The following ZFYVE9 variants were observed in gnomAD, a reference collection of about 807,000 sequenced individuals.
ZFYVE9 encodes zinc finger FYVE-type containing 9, also known as zinc finger FYVE domain-containing protein 9.
ZFYVE9 carries 43 observed loss-of-function variants against 126.7 expected under a neutral mutation model. The ratio of observed to expected loss-of-function variants is 0.34; its 90% CI spans 0.27 to 0.44. The LOEUF (loss-of-function observed/expected upper bound fraction) is 0.44. Ranked by LOEUF, ZFYVE9 falls within the 20% of genes least tolerant of loss-of-function variation. The pLI is 1.00. For missense variants in ZFYVE9, 1,476 were observed against 1,697.0 expected (o/e 0.87, Z 2.29); for synonymous variants, 521 against 597.4 (o/e 0.87, Z 1.87).
At chr1:52,220,789 C>T (rs550488671) in intron 2 of ZFYVE9, among the ~76,000 whole-genome samples, 10 of 152,134 alleles carry the variant, frequency 6.6e-5, no homozygotes, top group Non-Finnish European at 1.0e-4. Context: ...GAAAGGTCTA[C>T]GTGGGAGAAG....
At chr1:52,251,562 T>C (rs945373023) in intron 4 of ZFYVE9, among the ~76,000 whole-genome samples, 8 of 152,184 alleles carry the variant, frequency 5.3e-5, no homozygotes, top group African/African-American at 1.9e-4. Context: ...CACTTGGTCA[T>C]GGTGTATAAT....
chr1:52,324,235 C>CAAG (rs966490158), intron 13 of ZFYVE9, among the ~76,000 whole-genome samples: 1 of 145,062 alleles, frequency 6.9e-6, no homozygotes, highest in East Asian at 2.0e-4. Context: ...GGCAACAGAA[C>CAAG]AAGACCCTGT....
chr1:52,213,697 TTTTC>T (rs1399353145), intron 1 of ZFYVE9, among the ~76,000 whole-genome samples: 1 of 152,040 alleles, frequency 6.6e-6, no homozygotes, highest in East Asian at 1.9e-4. Flanking sequence ...ACACCATTTA[TTTTC>T]TTTCTTTCTT....
chr1:52,232,728 CAAAAAAAAAAAAAA>C (rs552213191), intron 2 of ZFYVE9, among the ~76,000 whole-genome samples: 3 of 27,356 alleles, frequency 1.1e-4, no homozygotes, highest in South Asian at 1.5e-3. Context: ...GACTCTGTCT[CAAAAAAAAAAAAAA>C]AAAAAAAAAA....
At chr1:52,309,502 A>G in intron 13 of ZFYVE9, among the ~76,000 whole-genome samples, 1 of 152,076 alleles carries the variant, frequency 6.6e-6, no homozygotes, top group East Asian at 1.9e-4. Flanking sequence ...AAAGCAAAAA[A>G]GGGCAGAAAA....
Position 52,246,536 on chromosome 1 carries a change from T to G in ZFYVE9, c.2178+6941T>G, listed in dbSNP as rs796785519. ...TTTTTATCCTGTTTTTTTTCCTGGG[T>G]TTTTTTTTTTTTTGAGACAAACTCT... is the stretch of plus-strand genomic sequence containing the variant. On this transcript the variant is annotated intron_variant, in intron 4 of 18. Transcript: ENST00000287727. 3.1e-4 allele frequency among the ~76,000 whole-genome samples: 39 copies of G among 125,888 alleles called. 1 individual carries two copies. The highest frequency in any genetic ancestry group is 3.0e-4 in the Admixed American group (4 of 13,414). 82.6% of individuals were successfully genotyped at this position (125,888 alleles called of 152,430 possible). A position where few individuals can be genotyped will look rare whatever the true frequency, so the allele number is the denominator to read the frequency against.
intron 1 of ZFYVE9, among the ~76,000 whole-genome samples, chr1:52,199,958 C>T (rs1256242493): frequency 6.7e-6 from 1 of 149,744 alleles, no homozygotes; most frequent in Non-Finnish European, 1.5e-5. Context: ...ATCATAATGC[C>T]TGTTTGCCAT....
At chr1:52,195,344 C>T (rs1644850385) in intron 1 of ZFYVE9, among the ~76,000 whole-genome samples, 2 of 152,168 alleles carry the variant, frequency 1.3e-5, no homozygotes, top group Non-Finnish European at 1.5e-5. Context: ...TGCCTAGATT[C>T]AAATTCTGGC....
At position 52,345,544 on chromosome 1, in the gene ZFYVE9, G is replaced by A. The variant is rs1646475662; in HGVS notation, c.4117-516G>A. On this transcript the variant is annotated intron_variant, in intron 18 of 18. Coordinates refer to ENST00000287727, the MANE Select transcript of ZFYVE9 (RefSeq NM_004799.4). The stretch of plus-strand genomic sequence containing the variant: ...AATGCTATACTAATGAAGTATTCTG[G>A]TCCTATCTCACATAAAACAAAGAAC... Among the ~76,000 whole-genome samples, 4 of 152,204 alleles carry A rather than the reference G, an allele frequency of 2.6e-5. No individual in the cohort carries two copies. In the South Asian group the frequency reaches 8.3e-4, roughly 32 times the overall value.
chr1:52,145,389 T>A (rs939575846), intron 1 of ZFYVE9, among the ~76,000 whole-genome samples: 3 of 152,196 alleles, frequency 2.0e-5, no homozygotes, highest in Non-Finnish European at 2.9e-5. Flanking sequence ...CAAAGCTTGT[T>A]TAAAAGATAA....
intron 1 of ZFYVE9, among the ~76,000 whole-genome samples, chr1:52,157,659 C>T (rs1269529430): frequency 2.0e-5 from 3 of 152,066 alleles, no homozygotes; most frequent in Non-Finnish European, 4.4e-5. Flanking sequence ...CCACCTCAGC[C>T]TCCCAGAGTG....
intron 2 of ZFYVE9, among the ~76,000 whole-genome samples, chr1:52,223,715 G>A (rs1250855930): frequency 2.0e-5 from 3 of 152,048 alleles, no homozygotes; most frequent in Non-Finnish European, 2.9e-5. Context: ...GGTTCAAGGA[G>A]CTGATTCCCA....
intron 4 of ZFYVE9, among the ~76,000 whole-genome samples, chr1:52,241,930 T>C (rs1645337300): frequency 6.6e-6 from 1 of 152,134 alleles, no homozygotes; most frequent in African/African-American, 2.4e-5. Flanking sequence ...ATATTCCCTT[T>C]ACTGCAACAA....
chr1:52,198,110 G>GTTTTTTTTTTTTTTTTTTTTTT (rs1329262004), intron 1 of ZFYVE9, among the ~76,000 whole-genome samples: 1 of 40,014 alleles, frequency 2.5e-5, no homozygotes, highest in African/African-American at 5.8e-5. Flanking sequence ...ATATTGTAGT[G>GTTTTTTTTTTTTTTTTTTTTTT]TTTTTTTTTG....
At chr1:52,331,125 T>G (rs909246689) in intron 13 of ZFYVE9, among the ~76,000 whole-genome samples, 1 of 152,032 alleles carries the variant, frequency 6.6e-6, no homozygotes, top group Non-Finnish European at 1.5e-5. Flanking sequence ...CACCTCGGCC[T>G]CCTAAAGTGC....
chr1:52,251,217 A>G (rs1222400591), intron 4 of ZFYVE9, among the ~76,000 whole-genome samples: 1 of 152,064 alleles, frequency 6.6e-6, no homozygotes, highest in Non-Finnish European at 1.5e-5. Context: ...GATTACAGGC[A>G]CATGCCACCA....
chr1:52,185,924 A>G (rs1345293077), intron 1 of ZFYVE9, among the ~76,000 whole-genome samples: 5 of 151,130 alleles, frequency 3.3e-5, no homozygotes, highest in Admixed American at 2.0e-4. Context: ...GTCTCAAAAA[A>G]AAAAAAAAAA....
chr1:52,193,991 C>A (rs1464071370), intron 1 of ZFYVE9, among the ~76,000 whole-genome samples: 1 of 151,958 alleles, frequency 6.6e-6, no homozygotes, highest in Non-Finnish European at 1.5e-5. Context: ...TAGTTGTAAT[C>A]CCAGCTTCTC....
chr1:52,251,021 T>A (rs1645439353), intron 4 of ZFYVE9, among the ~76,000 whole-genome samples: 1 of 143,702 alleles, frequency 7.0e-6, no homozygotes, highest in African/African-American at 2.8e-5. Flanking sequence ...CAGTTTTCAG[T>A]CGTTTTTGTT....
Sources: allele counts gnomAD v4.1 joint callset (sites outside exome capture counted in the v4.1 genomes callset), GRCh38; gene constraint gnomAD v4.1.1; transcripts MANE v1.5; gene names NCBI Gene and HGNC (gene_info 2026-07-23, HGNC 2026-07-21).